Variants in EYS observed in about 807,000 individuals in gnomAD.
The protein encoded by EYS is EGF-like photoreceptor maintenance factor, also known as protein eyes shut homolog.
Under a neutral mutation model 282.1 loss-of-function variants are expected in EYS, and 250 were observed. The ratio of observed to expected loss-of-function variants is 0.89; its 90% CI spans 0.80 to 0.98. The LOEUF (loss-of-function observed/expected upper bound fraction) is 0.98, where lower values mean the gene tolerates loss of function less well. EYS is among the 50% of genes least tolerant of loss of function. The probability of loss-of-function intolerance (pLI) is 0.00; values close to 1 mark genes in which losing one functional copy is unlikely to be tolerated. For synonymous variants in EYS, 1,355 were observed against 1,282.9 expected (o/e 1.06, Z -1.20); for missense variants, 4,016 against 3,709.0 (o/e 1.08, Z -2.15).
rs146221717 is a variant in EYS, at chr6:65,225,766, T to C, written c.2023+70097A>G. ...AGAAAACCAATCCACGTAACTTTAATTGAAAGAGACCAAAAAACTACATGA... is the reference window on the plus strand; with the variant it reads ...AGAAAACCAATCCACGTAACTTTAACTGAAAGAGACCAAAAAACTACATGA... On this transcript the variant is annotated intron_variant, in intron 12 of 42. Transcript: ENST00000503581. 7.0e-3 allele frequency among the ~76,000 whole-genome samples: 1,034 copies of C among 148,588 alleles called. 8 individuals are homozygous for C. Among genetic ancestry groups the C allele is most frequent in the African/African-American group, 0.024 (986 of 40,680 alleles).
chr6:63,960,312 G>C (rs1485708120), intron 35 of EYS, among the ~76,000 whole-genome samples: 1 of 152,174 alleles, frequency 6.6e-6, no homozygotes, highest in Non-Finnish European at 1.5e-5. Flanking sequence ...TAGAAATGGA[G>C]CCTGAAGATA....
At chr6:65,048,999 G>A (rs950394045) in intron 13 of EYS, among the ~76,000 whole-genome samples, 3 of 151,658 alleles carry the variant, frequency 2.0e-5, no homozygotes, top group African/African-American at 7.3e-5. Flanking sequence ...GTCACAAAAA[G>A]AAAAGTAACC....
chr6:65,495,114 T>C lies in EYS; in HGVS notation c.297A>G (p.Pro99=), dbSNP rs1330973192. ...VISSEPSLQF[P]EINLMNVSET... ...CAGAAACATTCATCAAATTTATTTCTGGAAATTGAAGAGATGGTTCAGAAG... is the reference window on the plus strand; with the variant it reads ...CAGAAACATTCATCAAATTTATTTCCGGAAATTGAAGAGATGGTTCAGAAG... The change falls in exon 4 of 43, where the codon CCA becomes CCG. Residue 99 remains proline, a synonymous_variant. Transcript: ENST00000503581. 5 of 1,614,202 alleles carry C rather than the reference T, an allele frequency of 3.1e-6. No individual in the cohort carries two copies. The highest frequency in any genetic ancestry group is 4.2e-6 in the Non-Finnish European group (5 of 1,180,022).
chr6:65,178,711 A>C (rs888411905), intron 12 of EYS, among the ~76,000 whole-genome samples: 8 of 151,956 alleles, frequency 5.3e-5, no homozygotes, highest in East Asian at 3.9e-4. Flanking sequence ...CCAAGCAGAC[A>C]TAATAGACAT....
intron 29 of EYS, among the ~76,000 whole-genome samples, chr6:64,322,384 C>A (rs1344312717): frequency 6.6e-6 from 1 of 152,012 alleles, no homozygotes; most frequent in Admixed American, 6.6e-5. Context: ...TGATAGATTT[C>A]TGTTTCTGAT....
chr6:64,063,095 A>G (rs982589937), intron 33 of EYS, among the ~76,000 whole-genome samples: 3 of 152,090 alleles, frequency 2.0e-5, no homozygotes, highest in African/African-American at 4.8e-5. Context: ...TTCATCTTTC[A>G]GTATACAGTT....
At chr6:63,833,225 A>G (rs1771697539) in intron 36 of EYS, among the ~76,000 whole-genome samples, 1 of 152,126 alleles carries the variant, frequency 6.6e-6, no homozygotes, top group Non-Finnish European at 1.5e-5. Context: ...AGGGCAATCA[A>G]GCAAGAGAAA....
intron 13 of EYS, among the ~76,000 whole-genome samples, chr6:65,049,230 G>A (rs1773194960): frequency 6.6e-6 from 1 of 151,550 alleles, no homozygotes; most frequent in African/African-American, 2.4e-5. Flanking sequence ...TATTCCTTGG[G>A]TGACAGTTCT....
intron 31 of EYS, among the ~76,000 whole-genome samples, chr6:64,169,283 A>G (rs1011759375): frequency 7.9e-5 from 12 of 152,184 alleles, no homozygotes; most frequent in Non-Finnish European, 1.8e-4. Flanking sequence ...TCGGGCATGC[A>G]GATACTGATA....
intron 22 of EYS, among the ~76,000 whole-genome samples, chr6:64,700,352 C>G (rs1158580543): frequency 6.6e-6 from 1 of 152,034 alleles, no homozygotes; most frequent in Admixed American, 6.6e-5. Context: ...TTCACCATTT[C>G]TAGTCACCAT....
chr6:64,074,063 T>TA (rs1256096639), intron 32 of EYS, among the ~76,000 whole-genome samples: 4 of 151,680 alleles, frequency 2.6e-5, no homozygotes, highest in Non-Finnish European at 5.9e-5. Context: ...TAGTAAGTTT[T>TA]AAAATGAATC....
At chr6:64,378,757 T>TA (rs1207953359) in intron 29 of EYS, among the ~76,000 whole-genome samples, 4 of 152,182 alleles carry the variant, frequency 2.6e-5, no homozygotes, top group Non-Finnish European at 5.9e-5. Flanking sequence ...ACTCCAGACC[T>TA]ACAATTCTTA....
intron 12 of EYS, among the ~76,000 whole-genome samples, chr6:65,065,898 A>T (rs1374386112): frequency 6.6e-6 from 1 of 152,180 alleles, no homozygotes; most frequent in South Asian, 2.1e-4. Flanking sequence ...TGCTATTAGA[A>T]CCTATCCAAT....
At chr6:63,957,611 A>G (rs1765880025) in intron 35 of EYS, among the ~76,000 whole-genome samples, 1 of 141,168 alleles carries the variant, frequency 7.1e-6, no homozygotes, top group Non-Finnish European at 1.6e-5. Flanking sequence ...AGTGAATTAA[A>G]TTCTTTATTC....
At chr6:64,536,464 A>G (rs1764522300) in intron 26 of EYS, among the ~76,000 whole-genome samples, 1 of 152,166 alleles carries the variant, frequency 6.6e-6, no homozygotes, top group Non-Finnish European at 1.5e-5. Context: ...TTAACATTGA[A>G]CCTCAACTTG....
intron 12 of EYS, among the ~76,000 whole-genome samples, chr6:65,172,294 G>A (rs1182956022): frequency 2.6e-5 from 4 of 151,328 alleles, no homozygotes; most frequent in African/African-American, 9.7e-5. Flanking sequence ...TTAGTACCTT[G>A]GAAATCCTAC....
intron 31 of EYS, among the ~76,000 whole-genome samples, chr6:64,099,479 C>G (rs908796740): frequency 2.0e-5 from 3 of 152,172 alleles, no homozygotes; most frequent in African/African-American, 7.2e-5. Context: ...AGTCTTGTCT[C>G]AAGGTTATAT....
intron 12 of EYS, among the ~76,000 whole-genome samples, chr6:65,122,148 A>C (rs956346103): frequency 6.6e-6 from 1 of 152,176 alleles, no homozygotes; most frequent in Non-Finnish European, 1.5e-5. Context: ...TTAAAATATC[A>C]GAATCCCAAA....
At chr6:63,897,169 A>G (rs115220317) in intron 35 of EYS, among the ~76,000 whole-genome samples, 1,739 of 152,314 alleles carry the variant, frequency 0.011, 36 homozygotes, top group African/African-American at 0.04. Context: ...ACCTTCAATG[A>G]CAAGTTTATT....
Sources: allele counts gnomAD v4.1 joint callset (sites outside exome capture counted in the v4.1 genomes callset), GRCh38; gene constraint gnomAD v4.1.1; transcripts MANE v1.5; gene names NCBI Gene and HGNC (gene_info 2026-07-23, HGNC 2026-07-21).